DEPDC1B: variants seen among roughly 807,000 people sequenced by gnomAD.
DEPDC1B encodes DEP domain-containing protein 1B.
Under a neutral mutation model 66.5 loss-of-function variants are expected in DEPDC1B, and 51 were observed. That is an observed-to-expected ratio of 0.77 (90% CI 0.61 to 0.97). DEPDC1B has a LOEUF of 0.97. DEPDC1B is among the 50% of genes least tolerant of loss of function. The pLI is 0.00. For missense variants in DEPDC1B, 552 were observed against 637.1 expected, an observed-to-expected ratio of 0.87 and a Z score of 1.44; for synonymous variants, 226 against 223.6, an observed-to-expected ratio of 1.01 and a Z score of -0.10.
At position 60,645,484 on chromosome 5, in the gene DEPDC1B, G is replaced by T; in HGVS notation, c.578+8C>A. On this transcript the variant is annotated splice_region_variant and intron_variant, in intron 4 of 10. Coordinates refer to ENST00000265036, the MANE Select transcript of DEPDC1B (RefSeq NM_018369.3). ...CTAAAATTTCTCATTAATATCAAATGTACATACTATGATAATGTCATAGAC... is the reference window on the plus strand; with the variant it reads ...CTAAAATTTCTCATTAATATCAAATTTACATACTATGATAATGTCATAGAC... 9 of 1,598,746 alleles carry T rather than the reference G, an allele frequency of 5.6e-6. No homozygotes were observed. Among genetic ancestry groups the T allele is most frequent in the African/African-American group, 1.3e-5 (1 of 74,406 alleles).
At chr5:60,601,596 A>G (rs1752200317) in intron 9 of DEPDC1B, among the ~76,000 whole-genome samples, 1 of 152,218 alleles carries the variant, frequency 6.6e-6, no homozygotes, top group Admixed American at 6.5e-5. Context: ...AAAAATATTT[A>G]CTGCTATATT....
chr5:60,623,372 C>T (rs1752749542), intron 7 of DEPDC1B, among the ~76,000 whole-genome samples: 1 of 152,116 alleles, frequency 6.6e-6, no homozygotes, highest in South Asian at 2.1e-4. Flanking sequence ...TATCAATATA[C>T]TTTACAGGAA....
In DEPDC1B at chr5:60,605,674, T is replaced by C; in HGVS notation, c.1065+16A>G. 1 of 1,607,800 alleles carries C rather than the reference T, an allele frequency of 6.2e-7. No individual in the cohort carries two copies. On this transcript the variant is annotated intron_variant, in intron 8 of 10. Coordinates refer to ENST00000265036, the MANE Select transcript of DEPDC1B (RefSeq NM_018369.3). Reference sequence around the variant, plus strand: ...TCATTCCAAAAAGTCATACCTGATGTTAAAAATCAACCTACCAGTGTTCGG... The same window carrying C: ...TCATTCCAAAAAGTCATACCTGATGCTAAAAATCAACCTACCAGTGTTCGG...
At chr5:60,624,668 TC>T (rs1752773489) in intron 7 of DEPDC1B, among the ~76,000 whole-genome samples, 1 of 152,200 alleles carries the variant, frequency 6.6e-6, no homozygotes, top group Admixed American at 6.5e-5. Flanking sequence ...ACAATTTCAA[TC>T]ATTTTAAATT....
intron 2 of DEPDC1B, among the ~76,000 whole-genome samples, chr5:60,651,910 C>A (rs931782916): frequency 3.9e-5 from 6 of 152,124 alleles, no homozygotes; most frequent in Admixed American, 6.5e-5. Context: ...GCTGCAATAA[C>A]CAGGTGTGGA....
intron 1 of DEPDC1B, among the ~76,000 whole-genome samples, chr5:60,691,810 G>A (rs1482673993): frequency 6.6e-6 from 1 of 152,110 alleles, no homozygotes; most frequent in Non-Finnish European, 1.5e-5. Context: ...ATGAAAGACA[G>A]GTGGATCTAC....
intron 7 of DEPDC1B, among the ~76,000 whole-genome samples, chr5:60,619,024 C>T (rs1021736538): frequency 6.6e-5 from 10 of 152,138 alleles, no homozygotes; most frequent in African/African-American, 2.2e-4. Context: ...ATAAACAGAA[C>T]CAAAGACAAA....
chr5:60,685,705 AG>A (rs1754396927), intron 2 of DEPDC1B, among the ~76,000 whole-genome samples: 1 of 152,228 alleles, frequency 6.6e-6, no homozygotes, highest in Admixed American at 6.5e-5. Context: ...GAAGTGTTCT[AG>A]CTAAATCTTG....
chr5:60,601,755 AC>A (rs1752202979), intron 9 of DEPDC1B, among the ~76,000 whole-genome samples: 1 of 152,214 alleles, frequency 6.6e-6, no homozygotes, highest in African/African-American at 2.4e-5. Context: ...GATACCAACA[AC>A]AAAGGCAGCT....
intron 2 of DEPDC1B, among the ~76,000 whole-genome samples, chr5:60,668,070 TATA>T (rs1381207765): frequency 3.8e-5 from 4 of 106,092 alleles, no homozygotes; most frequent in African/African-American, 1.7e-4. Flanking sequence ...TTTATATATA[TATA>T]AAATGGATAT....
At chr5:60,617,449 G>A (rs939971596) in intron 7 of DEPDC1B, among the ~76,000 whole-genome samples, 9 of 152,022 alleles carry the variant, frequency 5.9e-5, no homozygotes, top group African/African-American at 1.9e-4. Context: ...GAAGATCTGC[G>A]AAGCAAATGG....
chr5:60,642,155 A>G (rs1317416561), intron 6 of DEPDC1B, among the ~76,000 whole-genome samples: 1 of 152,248 alleles, frequency 6.6e-6, no homozygotes, highest in African/African-American at 2.4e-5. Flanking sequence ...AGAAATGAAA[A>G]TGAACTACTA....
At position 60,700,140 on chromosome 5, in the gene DEPDC1B, C is replaced by A; in HGVS notation, c.-47G>T. On this transcript the variant is annotated 5_prime_UTR_variant, in exon 1 of 11. Coordinates refer to ENST00000265036, the MANE Select transcript of DEPDC1B (RefSeq NM_018369.3). ...GCAGCCGCGCCAGCGCTGATCCCCG[C>A]CAGCCGGAGGAGCAGCAGTTTGAAT... The A allele has an allele frequency of 6.6e-7, 1 of 1,526,470 alleles. No individual in the cohort carries two copies. The highest frequency in any genetic ancestry group is 1.2e-5 in the South Asian group (1 of 82,406). The allele number at this position is 1,526,470 out of a possible 1,614,324, so 94.6% of individuals were successfully genotyped here.
At chr5:60,615,256 G>A (rs952058086) in intron 7 of DEPDC1B, among the ~76,000 whole-genome samples, 11 of 152,270 alleles carry the variant, frequency 7.2e-5, no homozygotes, top group African/African-American at 2.6e-4. Context: ...ATTTCCAACT[G>A]ACATAACGGG....
intron 2 of DEPDC1B, among the ~76,000 whole-genome samples, chr5:60,655,531 T>G (rs1455916765): frequency 6.7e-6 from 1 of 149,328 alleles, no homozygotes; most frequent in East Asian, 2.0e-4. Context: ...TTGGTTAATC[T>G]TACTAATGGT....
At chr5:60,690,549 A>T (rs1416324582) in intron 1 of DEPDC1B, among the ~76,000 whole-genome samples, 2 of 152,212 alleles carry the variant, frequency 1.3e-5, no homozygotes, top group African/African-American at 4.8e-5. Context: ...TTAGGAACGT[A>T]GGCTCCCTGC....
intron 7 of DEPDC1B, among the ~76,000 whole-genome samples, chr5:60,614,283 A>G (rs1194130140): frequency 2.0e-5 from 3 of 152,224 alleles, no homozygotes; most frequent in East Asian, 3.9e-4. Flanking sequence ...AAATCACTTT[A>G]ATTTCTGTGA....
intron 1 of DEPDC1B, among the ~76,000 whole-genome samples, chr5:60,691,136 C>A (rs1754534471): frequency 6.6e-6 from 1 of 151,700 alleles, no homozygotes; most frequent in African/African-American, 2.4e-5. Context: ...TTAATGCAAC[C>A]TCCGCCTCCC....
intron 7 of DEPDC1B, among the ~76,000 whole-genome samples, chr5:60,635,690 C>A (rs1007352636): frequency 1.5e-4 from 23 of 152,178 alleles, no homozygotes; most frequent in African/African-American, 5.5e-4. Context: ...TGAACACTTG[C>A]TGCTTCTAGT....
Sources: allele counts gnomAD v4.1 joint callset (sites outside exome capture counted in the v4.1 genomes callset), GRCh38; gene constraint gnomAD v4.1.1; transcripts MANE v1.5; gene names NCBI Gene and HGNC (gene_info 2026-07-23, HGNC 2026-07-21).